The following TIE1 variants were observed in gnomAD, a reference collection of about 807,000 sequenced individuals.
TIE1 encodes the protein tyrosine kinase with immunoglobulin like and EGF like domains 1.
Under a neutral mutation model 130.5 loss-of-function variants are expected in TIE1, and 89 were observed. The observed-to-expected ratio is 0.68, with a 90% CI of 0.57 to 0.81. TIE1 has a LOEUF of 0.81. Among genes scored for constraint, TIE1 ranks in the 40% least tolerant of loss-of-function variants. The pLI is 0.00. For synonymous variants in TIE1, 568 were observed against 629.4 expected (o/e 0.90, Z 1.46); for missense variants, 1,392 against 1,559.8 (o/e 0.89, Z 1.81).
At position 43,307,626 on chromosome 1, in the gene TIE1, GACCC is replaced by G; in HGVS notation, c.913+55_913+58del. 1 of 1,611,708 alleles carries G rather than the reference GACCC, an allele frequency of 6.2e-7. No homozygotes were observed. The highest frequency in any genetic ancestry group is 8.5e-7 in the Non-Finnish European group (1 of 1,178,386). ...GACCAAGACAGCTGGCCAGGAGCTT[GACCC>G]GGACCCTCCACTCTGCCTCTGACTT... On this transcript the variant is annotated intron_variant, in intron 6 of 22. Transcript: ENST00000372476. This position sits in a 1 kb window ranked among gnomAD's most constrained non-coding sequence, Gnocchi z 5.4.
At chr1:43,308,059 A>T in intron 7 of TIE1, 135 bp downstream of exon 7, 2 of 1,323,912 alleles carry the variant, frequency 1.5e-6, no homozygotes, top group Non-Finnish European at 2.0e-6. Flanking sequence ...TTAGAGTCTG[A>T]TGGACAGGGA....
rs747844548 is a variant in TIE1 at position 43,304,970 on chromosome 1, C to A, written c.178C>A (p.Pro60Thr). Reference protein sequence around the residue: ...AGRGSDAWGPPLLLEKDDRIV... With the variant: ...AGRGSDAWGPTLLLEKDDRIV... Reference sequence around the variant, plus strand: ...GAGGGGCTCGGACGCCTGGGGCCCGCCCCTGCTGCTGGAGAAGGACGACCG... The same window carrying A: ...GAGGGGCTCGGACGCCTGGGGCCCGACCCTGCTGCTGGAGAAGGACGACCG... Residue 60 changes from proline (P) to threonine (T), a missense_variant, in exon 2 of 23, where the codon CCC (proline) becomes ACC (threonine). Around this residue, in one of 6 missense-constraint regions of TIE1, gnomAD observed 415 missense variants for 424.8 expected, o/e 0.98. Coordinates refer to ENST00000372476, the MANE Select transcript of TIE1 (RefSeq NM_005424.5). 3.4e-6 allele frequency: 5 copies of A among 1,471,304 alleles called. No homozygotes were observed. The highest frequency in any genetic ancestry group is 9.0e-7 in the Non-Finnish European group (1 of 1,113,538). The allele number at this position is 1,471,304 out of a possible 1,614,324, so 91.1% of individuals were successfully genotyped here.
In TIE1 at chr1:43,311,784, C is replaced by T. The variant is rs1279750089; in HGVS notation, c.1447C>T (p.His483Tyr). The T allele has an allele frequency of 1.2e-6, 2 of 1,614,152 alleles. No homozygotes were observed. Among genetic ancestry groups the T allele is most frequent in the Admixed American group, 3.3e-5 (2 of 60,016 alleles). The stretch of plus-strand genomic sequence containing the variant: ...TGGACCCATCTCCACTGTCCGCCTG[C>T]ACTACCGGCCCCAGGACAGTACCAT... The part of the protein sequence containing the change: ...GDGPISTVRL[H>Y]YRPQDSTMDW... The change falls in exon 10 of 23, where the codon CAC becomes TAC. Residue 483 changes from histidine to tyrosine, a missense_variant. Physicochemically the swap from His to Tyr is moderately conservative, Grantham distance 83. Coordinates refer to ENST00000372476, the MANE Select transcript of TIE1 (RefSeq NM_005424.5).
Position 43,317,746 on chromosome 1 carries a change from T to A in TIE1, c.2731+72T>A. 1 of 1,477,500 alleles carries A rather than the reference T, an allele frequency of 6.8e-7. No individual in the cohort carries two copies. Among genetic ancestry groups the A allele is most frequent in the South Asian group, 1.3e-5 (1 of 79,686 alleles). 91.5% of individuals were successfully genotyped at this position (1,477,500 alleles called of 1,614,324 possible). ...TCAGCCATCACCTCCACCACATGAG[T>A]AGCTTGCCAGGGGCTGCTGGTGACC... On this transcript the variant is annotated intron_variant, in intron 16 of 22. Transcript: ENST00000372476. The surrounding 1 kb of genome is among the most constrained non-coding windows in gnomAD (Gnocchi z 5.1).
At position 43,321,722 on chromosome 1, in the gene TIE1, A is replaced by G. The variant is rs929468880; in HGVS notation, c.3345+7A>G. On this transcript the variant is annotated splice_region_variant and intron_variant, in intron 22 of 22. Coordinates refer to ENST00000372476, the MANE Select transcript of TIE1 (RefSeq NM_005424.5). ...CATGCTGGAAGCCAGGAAGGTGAGG[A>G]GACTGGGGCTGAGGTGGCGGGCTGG... 1 of 1,551,848 alleles carries G rather than the reference A, an allele frequency of 6.4e-7. No homozygotes were observed. Among genetic ancestry groups the G allele is most frequent in the Non-Finnish European group, 8.7e-7 (1 of 1,147,088 alleles).
chr1:43,304,733 T>C (rs908558535), intron 1 of TIE1, 118 bp from the exon 2 acceptor site: 15 of 1,105,820 alleles, frequency 1.4e-5, no homozygotes, highest in African/African-American at 1.6e-5. Context: ...GGGGTGAAGG[T>C]TGGAGACCCT....
Position 43,317,527 on chromosome 1 carries a change from T to C in TIE1, c.2621-37T>C, listed in dbSNP as rs115181934. 9.0e-4 allele frequency: 1,451 copies of C among 1,609,794 alleles called. 8 individuals carry two copies. The African/African-American group carries it at 0.017, about 19-fold the overall frequency. On this transcript the variant is annotated intron_variant, in intron 15 of 22. Transcript: ENST00000372476. The surrounding 1 kb of genome is among the most constrained non-coding windows in gnomAD (Gnocchi z 5.1). ...GCCCTTGCCAGCCCTTTCTCCAGAG[T>C]TATTTCTGGCAAAATAATATTGGAT...
At position 43,307,213 on chromosome 1, in the gene TIE1, C is replaced by T. The variant is rs1300198773; in HGVS notation, c.712C>T (p.His238Tyr). Reference sequence around the variant, plus strand: ...AGGTTGCCTACATGGAGGTGTCTGCCACGACCATGACGGCGAATGTGTATG... The same window carrying T: ...AGGTTGCCTACATGGAGGTGTCTGCTACGACCATGACGGCGAATGTGTATG... ...CPGCLHGGVC[H>Y]DHDGECVCPP... The change falls in exon 5 of 23, where the codon CAC becomes TAC. Residue 238 changes from histidine (H) to tyrosine (Y), a missense_variant. By Grantham distance (83) the His-to-Tyr change is moderately conservative. This residue lies in a region of TIE1 where 415 missense variants were observed against 424.8 expected (regional missense o/e 0.98). Coordinates refer to ENST00000372476, the MANE Select transcript of TIE1 (RefSeq NM_005424.5). This position sits in a 1 kb window ranked among gnomAD's most constrained non-coding sequence, Gnocchi z 5.4. 1 of 1,613,996 alleles carries T rather than the reference C, an allele frequency of 6.2e-7. No homozygotes were observed. The highest frequency in any genetic ancestry group is 2.2e-5 in the East Asian group (1 of 44,882).
chr1:43,317,202 G>A lies in TIE1; in HGVS notation c.2413G>A (p.Glu805Lys), dbSNP rs372619652. 6 of 1,613,836 alleles carry A rather than the reference G, an allele frequency of 3.7e-6. No homozygotes were observed. In the African/African-American group the frequency reaches 4.0e-5, roughly 11 times the overall value. The part of the protein sequence containing the change: ...RTFTYQSGSG[E>K]ETILQFSSGT... ...CCTCTTGTCTCATCCTGTGAAGGGC[G>A]AGGAGACCATCCTGCAGTTCAGCTC... The change falls in exon 15 of 23, where the codon GAG (glutamate) becomes AAG (lysine). Residue 805 changes from glutamate to lysine, a missense_variant. Physicochemically the swap from Glu to Lys is moderately conservative, Grantham distance 56 (BLOSUM62 1). This residue lies in a region of TIE1 where 286 missense variants were observed against 354.4 expected (regional missense o/e 0.81). Coordinates refer to ENST00000372476, the MANE Select transcript of TIE1 (RefSeq NM_005424.5). This position sits in a 1 kb window ranked among gnomAD's most constrained non-coding sequence, Gnocchi z 5.1.
rs187723742 is a variant in TIE1, at chr1:43,306,732, C to A, written c.485-108C>A. 26 of 1,403,030 alleles carry A rather than the reference C, an allele frequency of 1.9e-5. No homozygotes were observed. Among genetic ancestry groups the A allele is most frequent in the Non-Finnish European group, 2.5e-5 (26 of 1,041,018 alleles). The allele number at this position is 1,403,030 out of a possible 1,614,324, so 86.9% of individuals were successfully genotyped here. On this transcript the variant is annotated intron_variant, in intron 3 of 22. Coordinates refer to ENST00000372476, the MANE Select transcript of TIE1 (RefSeq NM_005424.5). This position sits in a 1 kb window ranked among gnomAD's most constrained non-coding sequence, Gnocchi z 4.9. ...CTCTCGTGGTGCCGGCCCTAGGTCT[C>A]ATCACTGTGCATGGGGCTCATTGAT... is the stretch of plus-strand genomic sequence containing the variant.
chr1:43,321,740 C>A (rs761670146), intron 22 of TIE1, 25 bp downstream of exon 22: 1 of 1,548,848 alleles, frequency 6.5e-7, no homozygotes, highest in South Asian at 1.2e-5. Context: ...GCTGAGGTGG[C>A]GGGCTGGGCT....
Position 43,304,942 on chromosome 1 carries a change from G to A in TIE1, c.150G>A (p.Ala50=), listed in dbSNP as rs1308540137. The A allele has an allele frequency of 6.9e-6, 10 of 1,450,758 alleles. No individual in the cohort carries two copies. Among genetic ancestry groups the A allele is most frequent in the African/African-American group, 1.4e-5 (1 of 69,076 alleles). The allele number at this position is 1,450,758 out of a possible 1,614,324, so 89.9% of individuals were successfully genotyped here. A position where few individuals can be genotyped will look rare whatever the true frequency, so the allele number is the denominator to read the frequency against. ...CTTGCGTGTCTGGGGAGGCCGGGGC[G>A]GGGAGGGGCTCGGACGCCTGGGGCC... ...FLTCVSGEAG[A]GRGSDAWGPP... is the part of the protein sequence containing the mutation. Residue 50 remains alanine (A), a synonymous_variant, in exon 2 of 23, where the codon GCG becomes GCA. Transcript: ENST00000372476.
In TIE1 at chr1:43,306,878, G is replaced by C. The variant is rs1238995412; in HGVS notation, c.523G>C (p.Asp175His). The change falls in exon 4 of 23, where the codon GAT (aspartate) becomes CAT (histidine). Residue 175 changes from aspartate (D) to histidine (H), a missense_variant. Asp to His is a moderately conservative substitution (Grantham distance 81). Around this residue, in one of 6 missense-constraint regions of TIE1, gnomAD observed 415 missense variants for 424.8 expected, o/e 0.98. Transcript: ENST00000372476. The surrounding 1 kb of genome is among the most constrained non-coding windows in gnomAD (Gnocchi z 4.9). The stretch of plus-strand genomic sequence containing the variant: ...CACCCTGGACTGGCATGAAGCCCAG[G>C]ATGGGCGGTTCCTGCTGCAGCTCCC... ...FYTLDWHEAQ[D>H]GRFLLQLPNV... The C allele has an allele frequency of 6.2e-7, 1 of 1,613,826 alleles. No homozygotes were observed. Among genetic ancestry groups the C allele is most frequent in the African/African-American group, 1.3e-5 (1 of 74,932 alleles).
chr1:43,313,151 A>G lies in TIE1; in HGVS notation c.1944A>G (p.Arg648=), dbSNP rs1209271144. 1 of 1,606,116 alleles carries G rather than the reference A, an allele frequency of 6.2e-7. No homozygotes were observed. Among genetic ancestry groups the G allele is most frequent in the South Asian group, 1.1e-5 (1 of 89,828 alleles). The stretch of plus-strand genomic sequence containing the variant: ...TCTCCCCAGGGCCTCCAGCCCCCCG[A>G]CACCTCCACGCCCAGGCCCTCTCAG... ...LLPPSGPPAP[R]HLHAQALSDS... The change falls in exon 13 of 23, where the codon CGA becomes CGG. Residue 648 remains arginine, a synonymous_variant. Transcript: ENST00000372476. The surrounding 1 kb of genome is among the most constrained non-coding windows in gnomAD (Gnocchi z 6.2).
rs1281343848 is a variant in TIE1, at chr1:43,316,141, G to C, written c.2410-1058G>C. On this transcript the variant is annotated intron_variant, in intron 14 of 22. Transcript: ENST00000372476. This position sits in a 1 kb window ranked among gnomAD's most constrained non-coding sequence, Gnocchi z 4.4. ...GTGTGCACAAATGTGTGTGCTCCAT[G>C]TATGAGTGCACACGTGCATCCCCTG... is the stretch of plus-strand genomic sequence containing the variant. Among the ~76,000 whole-genome samples the C allele has an allele frequency of 1.3e-5, 2 of 152,358 alleles. No homozygotes were observed. The highest frequency in any genetic ancestry group is 3.8e-4 in the East Asian group (2 of 5,196).
In TIE1 at chr1:43,301,110, C is replaced by T. The variant is rs1389487291; in HGVS notation, c.39C>T (p.Leu13=). The change falls in exon 1 of 23, where the codon CTC becomes CTT. Residue 13 remains leucine, a synonymous_variant. Coordinates refer to ENST00000372476, the MANE Select transcript of TIE1 (RefSeq NM_005424.5). ...TGCCCCCTTTCTTGCTCCCCATCCT[C>T]TTCTTGGCTTCTCATGTGGGTAAGT... is the stretch of plus-strand genomic sequence containing the variant. ...WRVPPFLLPI[L]FLASHVGAAV... 10 of 1,613,788 alleles carry T rather than the reference C, an allele frequency of 6.2e-6. No individual in the cohort carries two copies. The South Asian group carries it at 6.6e-5, about 11-fold the overall frequency.
chr1:43,311,542 C>T lies in TIE1; in HGVS notation c.1334-129C>T, dbSNP rs577487637. The T allele has an allele frequency of 9.4e-6, 12 of 1,272,296 alleles. No individual in the cohort carries two copies. In the South Asian group the frequency reaches 1.4e-4, roughly 15 times the overall value. The allele number at this position is 1,272,296 out of a possible 1,614,324, so 78.8% of individuals were successfully genotyped here. The stretch of plus-strand genomic sequence containing the variant: ...GGGCCTGAACTCTGTCCTCCCTGGG[C>T]CCTGGCCACTATGGTCATCTGTTGA... On this transcript the variant is annotated intron_variant, in intron 9 of 22. Coordinates refer to ENST00000372476, the MANE Select transcript of TIE1 (RefSeq NM_005424.5).
rs747475855 is a variant in TIE1, at chr1:43,307,485, T to C, written c.826T>C (p.Ser276Pro). The C allele has an allele frequency of 6.2e-7, 1 of 1,614,146 alleles. No individual in the cohort carries two copies. The highest frequency in any genetic ancestry group is 1.7e-5 in the Admixed American group (1 of 60,028). Residue 276 changes from serine to proline, a missense_variant, in exon 6 of 23, where the codon TCA (serine) becomes CCA (proline). Coordinates refer to ENST00000372476, the MANE Select transcript of TIE1 (RefSeq NM_005424.5). This position sits in a 1 kb window ranked among gnomAD's most constrained non-coding sequence, Gnocchi z 5.4. ...QSCQEQCPGI[S>P]GCRGLTFCLP... Reference sequence around the variant, plus strand: ...CTGCCAGGAGCAGTGCCCAGGCATATCAGGCTGCCGGGGCCTCACCTTCTG... The same window carrying C: ...CTGCCAGGAGCAGTGCCCAGGCATACCAGGCTGCCGGGGCCTCACCTTCTG...
chr1:43,313,758 G>A lies in TIE1; in HGVS notation c.2219-20G>A, dbSNP rs748585371. The A allele has an allele frequency of 1.3e-6, 2 of 1,598,876 alleles. No homozygotes were observed. The highest frequency in any genetic ancestry group is 1.7e-5 in the Admixed American group (1 of 59,002). Reference sequence around the variant, plus strand: ...CCTGACCCAGGTGTCCCCACAATCTGCCCCTCTCACTGTGTCCAGGGCTGC... The same window carrying A: ...CCTGACCCAGGTGTCCCCACAATCTACCCCTCTCACTGTGTCCAGGGCTGC... On this transcript the variant is annotated intron_variant, in intron 13 of 22. Coordinates refer to ENST00000372476, the MANE Select transcript of TIE1 (RefSeq NM_005424.5). The surrounding 1 kb of genome is among the most constrained non-coding windows in gnomAD (Gnocchi z 6.2).
Sources: allele counts gnomAD v4.1 joint callset (sites outside exome capture counted in the v4.1 genomes callset), GRCh38; gene constraint gnomAD v4.1.1; regional missense constraint gnomAD v4.1.1; non-coding constraint Gnocchi (gnomAD v3.1); transcripts MANE v1.5; gene names NCBI Gene and HGNC (gene_info 2026-07-23, HGNC 2026-07-21).